The following RPRD1B variants were observed in gnomAD, a reference collection of about 807,000 sequenced individuals.
RPRD1B encodes regulation of nuclear pre-mRNA domain-containing protein 1B.
A neutral mutation model predicts 41.5 loss-of-function variants in RPRD1B; 11 were observed. The ratio of observed to expected loss-of-function variants is 0.27; its 90% CI spans 0.17 to 0.44. The LOEUF (loss-of-function observed/expected upper bound fraction) is 0.44, where lower values mean the gene tolerates loss of function less well. Among genes scored for constraint, RPRD1B ranks in the 20% least tolerant of loss-of-function variants. The pLI is 1.00. For missense variants in RPRD1B, 248 were observed against 389.9 expected, an observed-to-expected ratio of 0.64 and a Z score of 3.06; for synonymous variants, 158 against 155.6, an observed-to-expected ratio of 1.02 and a Z score of -0.12.
At chr20:38,052,752 GTTTTTTT>G (rs146687415) in intron 3 of RPRD1B, among the ~76,000 whole-genome samples, 4 of 81,704 alleles carry the variant, frequency 4.9e-5, no homozygotes, top group Admixed American at 1.5e-4. Context: ...CAAACGCGGT[GTTTTTTT>G]TTTTTTTTTT....
chr20:38,056,126 C>T (rs1371448542), intron 3 of RPRD1B, among the ~76,000 whole-genome samples: 2 of 152,158 alleles, frequency 1.3e-5, no homozygotes, highest in Non-Finnish European at 2.9e-5. Flanking sequence ...ATGGCTCACA[C>T]CTGTAATCCC....
intron 6 of RPRD1B, among the ~76,000 whole-genome samples, chr20:38,076,882 C>CTTTAGCCT (rs1262215462): frequency 7.9e-6 from 1 of 126,276 alleles, no homozygotes; most frequent in African/African-American, 3.0e-5. Flanking sequence ...GTTGCCATTC[C>CTTTAGCCT]TTTAGCCTTT....
At chr20:38,050,512 C>T (rs563471646) in intron 3 of RPRD1B, among the ~76,000 whole-genome samples, 1 of 152,272 alleles carries the variant, frequency 6.6e-6, no homozygotes, top group African/African-American at 2.4e-5. Context: ...TTTAAGAACA[C>T]CTTTGGGCAA....
chr20:38,090,798 C>T lies in RPRD1B; in HGVS notation c.*923C>T, dbSNP rs758682624. On this transcript the variant is annotated 3_prime_UTR_variant, in exon 7 of 7. Transcript: ENST00000373433. ...GACCCTTTCTTCTGGGAGTAGGGTA[C>T]ACACTAACGTTTAATCCGCTGTCTG... 1.4e-5 allele frequency: 14 copies of T among 985,290 alleles called. No individual in the cohort carries two copies. Among genetic ancestry groups the T allele is most frequent in the African/African-American group, 1.7e-5 (1 of 57,232 alleles). The allele number at this position is 985,290 out of a possible 1,614,324, so 61.0% of individuals were successfully genotyped here.
chr20:38,074,809 A>G (rs2074443763), intron 6 of RPRD1B, among the ~76,000 whole-genome samples: 1 of 152,210 alleles, frequency 6.6e-6, no homozygotes, highest in South Asian at 2.1e-4. Flanking sequence ...AACTTAGCAA[A>G]TAAGTATAAA....
rs770875632 is a variant in RPRD1B, at chr20:38,034,148, C to T, written c.151+50C>T. On this transcript the variant is annotated intron_variant, in intron 1 of 6. Coordinates refer to ENST00000373433, the MANE Select transcript of RPRD1B (RefSeq NM_021215.4). The stretch of plus-strand genomic sequence containing the variant: ...GGACGGTCCCCGGATTGTCCTCTCG[C>T]CCACATACAACCTAGGCCCCTCTAA... 1.9e-6 allele frequency: 3 copies of T among 1,582,252 alleles called. No individual in the cohort carries two copies. The South Asian group carries it at 3.5e-5, about 18-fold the overall frequency.
chr20:38,057,639 C>G lies in RPRD1B; in HGVS notation c.523C>G (p.Leu175Val), dbSNP rs2074257104. The change falls in exon 4 of 7, where the codon CTC becomes GTC. Residue 175 changes from leucine (L) to valine (V), a missense_variant. Around this residue, in one of 5 missense-constraint regions of RPRD1B, gnomAD observed 94 missense variants for 82.3 expected, o/e 1.14. Transcript: ENST00000373433. ...YSPQDPSAGP[L>V]LTEELIKALQ... ...TCCTCAGGATCCTTCTGCAGGACCC[C>G]TCTTGGTAGGTCTTGACCCCCAGAG... is the stretch of plus-strand genomic sequence containing the variant. 1.2e-6 allele frequency: 2 copies of G among 1,610,206 alleles called. No individual in the cohort carries two copies. The highest frequency in any genetic ancestry group is 1.7e-6 in the Non-Finnish European group (2 of 1,176,590).
intron 2 of RPRD1B, among the ~76,000 whole-genome samples, chr20:38,045,510 T>G (rs539601204): frequency 6.6e-6 from 1 of 152,246 alleles, no homozygotes; most frequent in Non-Finnish European, 1.5e-5. Flanking sequence ...TTAGTTATAT[T>G]CACTAATTAA....
At chr20:38,073,376 C>A (rs1261589358) in intron 6 of RPRD1B, among the ~76,000 whole-genome samples, 1 of 152,164 alleles carries the variant, frequency 6.6e-6, no homozygotes, top group Non-Finnish European at 1.5e-5. Flanking sequence ...TCGCTTGGCA[C>A]CTCCCCCTTG....
intron 6 of RPRD1B, among the ~76,000 whole-genome samples, chr20:38,074,183 C>T (rs907700586): frequency 2.6e-5 from 4 of 151,696 alleles, no homozygotes; most frequent in East Asian, 3.9e-4. Context: ...TCTTTTTTTC[C>T]GCCAGTTTCC....
At chr20:38,066,653 G>A (rs2074359730) in intron 6 of RPRD1B, among the ~76,000 whole-genome samples, 2 of 152,152 alleles carry the variant, frequency 1.3e-5, no homozygotes. Flanking sequence ...GTCATTTGGA[G>A]GTTTATTTCT....
chr20:38,041,278 A>G (rs1245865530), intron 2 of RPRD1B, among the ~76,000 whole-genome samples: 3 of 152,264 alleles, frequency 2.0e-5, no homozygotes, highest in East Asian at 3.8e-4. Context: ...AAGTAAATAT[A>G]TAAACAGATA....
At chr20:38,080,713 T>G (rs2074504676) in intron 6 of RPRD1B, among the ~76,000 whole-genome samples, 1 of 152,086 alleles carries the variant, frequency 6.6e-6, no homozygotes, top group African/African-American at 2.4e-5. Flanking sequence ...TTAGTAGAGA[T>G]AGGGTTTCCC....
chr20:38,063,736 G>A (rs534567248), intron 5 of RPRD1B, among the ~76,000 whole-genome samples: 6 of 152,282 alleles, frequency 3.9e-5, no homozygotes, highest in South Asian at 2.1e-4. Flanking sequence ...TGCGCATGCC[G>A]CTTGGAGGAC....
At chr20:38,052,598 C>G (rs987172129) in intron 3 of RPRD1B, among the ~76,000 whole-genome samples, 2 of 151,954 alleles carry the variant, frequency 1.3e-5, no homozygotes, top group East Asian at 3.9e-4. Flanking sequence ...ATCCTTTTCT[C>G]ATTATAAAAG....
intron 6 of RPRD1B, among the ~76,000 whole-genome samples, chr20:38,081,150 T>C (rs1042954681): frequency 2.6e-5 from 3 of 114,148 alleles, no homozygotes; most frequent in African/African-American, 1.3e-4. Flanking sequence ...TGTACATTGC[T>C]TTGGGTAGTA....
At chr20:38,045,524 A>G (rs921781498) in intron 2 of RPRD1B, among the ~76,000 whole-genome samples, 1 of 152,250 alleles carries the variant, frequency 6.6e-6, no homozygotes, top group Non-Finnish European at 1.5e-5. Context: ...TAATTAAACT[A>G]GAACCCCCCT....
chr20:38,040,026 G>A (rs372772995), intron 1 of RPRD1B, among the ~76,000 whole-genome samples: 99 of 152,236 alleles, frequency 6.5e-4, no homozygotes, highest in African/African-American at 2.3e-3. Flanking sequence ...GAGCCACTGC[G>A]TCCGGCCAAC....
intron 6 of RPRD1B, among the ~76,000 whole-genome samples, chr20:38,078,120 A>G (rs1000342522): frequency 6.6e-6 from 1 of 151,304 alleles, no homozygotes; most frequent in Admixed American, 6.6e-5. Context: ...ATGAGCCATG[A>G]TCGTGCCACT....
Sources: gnomAD v4.1 joint callset for allele counts (sites outside exome capture counted in the v4.1 genomes callset) on GRCh38, gnomAD v4.1.1 for gene constraint, gnomAD v4.1.1 regional missense constraint, MANE v1.5 for transcripts, NCBI Gene and HGNC (gene_info 2026-07-23, HGNC 2026-07-21) for gene names.